HYKK: variants seen among roughly 807,000 people sequenced by gnomAD.
The protein encoded by HYKK is hydroxylysine kinase, also known as 5-hydroxy-L-lysine kinase.
In HYKK, 19 loss-of-function variants were observed where a neutral mutation model predicts 29.7. That is an observed-to-expected ratio of 0.64 (90% CI 0.45 to 0.94). The LOEUF (loss-of-function observed/expected upper bound fraction) is 0.94. Among genes scored for constraint, HYKK ranks in the 40% least tolerant of loss-of-function variants. The pLI is 0.00. For missense variants in HYKK, 390 were observed against 443.4 expected (o/e 0.88, Z 1.08); for synonymous variants, 152 against 158.1 (o/e 0.96, Z 0.29).
chr15:78,509,796 C>T (rs2052053186), intron 1 of HYKK, among the ~76,000 whole-genome samples: 1 of 152,220 alleles, frequency 6.6e-6, no homozygotes, highest in South Asian at 2.1e-4. Context: ...TTTGAAACTC[C>T]ATTTAGGCTT....
intron 3 of HYKK, among the ~76,000 whole-genome samples, chr15:78,526,505 C>T (rs1295046398): frequency 6.6e-6 from 1 of 152,106 alleles, no homozygotes; most frequent in East Asian, 1.9e-4. Context: ...ACGGCACTAA[C>T]CATGTGGATA....
chr15:78,507,890 C>A (rs1042035268), intron 1 of HYKK, among the ~76,000 whole-genome samples: 2 of 152,214 alleles, frequency 1.3e-5, no homozygotes, highest in Admixed American at 1.3e-4. Context: ...GAGCTGGGCC[C>A]CCAGAATGAA....
chr15:78,519,155 C>T (rs770203361), intron 3 of HYKK, among the ~76,000 whole-genome samples: 6 of 152,182 alleles, frequency 3.9e-5, no homozygotes, highest in Admixed American at 6.5e-5. Context: ...TCCACAGCCC[C>T]AGGGGCATAC....
intron 3 of HYKK, among the ~76,000 whole-genome samples, chr15:78,524,125 TCTC>T (rs1418777751): frequency 6.6e-6 from 1 of 152,238 alleles, no homozygotes; most frequent in Non-Finnish European, 1.5e-5. Context: ...AGCCCACATT[TCTC>T]CTCCACACTG....
chr15:78,533,080 A>G, intron 4 of HYKK, 130 bp from the exon 5 acceptor site: 1 of 636,208 alleles, frequency 1.6e-6, no homozygotes. Flanking sequence ...ATTTTATTTC[A>G]AGAAAAATAG....
intron 3 of HYKK, among the ~76,000 whole-genome samples, chr15:78,518,376 T>A (rs2052157689): frequency 6.6e-6 from 1 of 152,062 alleles, no homozygotes; most frequent in African/African-American, 2.4e-5. Flanking sequence ...GGTTTCACTA[T>A]GTTGGCCAGG....
chr15:78,518,299 T>C (rs1489010298), intron 3 of HYKK, among the ~76,000 whole-genome samples: 1 of 152,196 alleles, frequency 6.6e-6, no homozygotes, highest in Admixed American at 6.5e-5. Flanking sequence ...GGGATTCTCC[T>C]GCCTCAGCCT....
In HYKK at chr15:78,533,294, C is replaced by G; in HGVS notation, c.746C>G (p.Ser249Cys). The part of the protein sequence containing the change: ...SASGNAEYQV[S>C]GILDFGDMSY... ...TCTGGAAATGCTGAATATCAAGTGT[C>G]TGGGATTTTAGACTTTGGTGACATG... The change falls in exon 5 of 5, where the codon TCT becomes TGT. Residue 249 changes from serine (S) to cysteine (C), a missense_variant. Transcript: ENST00000388988. 6.2e-7 allele frequency: 1 copy of G among 1,614,028 alleles called. No individual in the cohort carries two copies. The highest frequency in any genetic ancestry group is 8.5e-7 in the Non-Finnish European group (1 of 1,179,912).
intron 3 of HYKK, among the ~76,000 whole-genome samples, chr15:78,524,708 C>T (rs1438294929): frequency 6.6e-6 from 1 of 152,124 alleles, no homozygotes; most frequent in Non-Finnish European, 1.5e-5. Flanking sequence ...ACTGAGGAGG[C>T]TGAGGCAGGA....
In HYKK at chr15:78,527,570, A is replaced by G; in HGVS notation, c.661+7A>G. 6.2e-7 allele frequency: 1 copy of G among 1,612,120 alleles called. No individual in the cohort carries two copies. The highest frequency in any genetic ancestry group is 2.2e-5 in the East Asian group (1 of 44,878). On this transcript the variant is annotated splice_region_variant and intron_variant, in intron 4 of 4. Coordinates refer to ENST00000388988, the MANE Select transcript of HYKK (RefSeq NM_001013619.4). The stretch of plus-strand genomic sequence containing the variant: ...TTAAGTCATTTTCGAGAATGTGAGT[A>G]TTCTCCCAATTAAGTATTTTTCTTG...
rs1365344595 is a variant in HYKK at position 78,513,381 on chromosome 15, T to C, written c.293T>C (p.Val98Ala). 6.2e-7 allele frequency: 1 copy of C among 1,614,170 alleles called. No homozygotes were observed. Among genetic ancestry groups the C allele is most frequent in the East Asian group, 2.2e-5 (1 of 44,890 alleles). ...GCCGCTGGATTTCCAACAGCCTCTG[T>C]GTGTCACACTAAAGGAGACAACACA... ...LKAAGFPTASVCHTKGDNTAS... is the reference protein window; with the variant it reads ...LKAAGFPTASACHTKGDNTAS... Residue 98 changes from valine to alanine, a missense_variant, in exon 2 of 5, where the codon GTG (valine) becomes GCG (alanine). Val to Ala is a moderately conservative substitution (Grantham distance 64). Coordinates refer to ENST00000388988, the MANE Select transcript of HYKK (RefSeq NM_001013619.4).
At chr15:78,515,241 C>T (rs957639672) in intron 3 of HYKK, 134 bp downstream of exon 3, 2 of 540,312 alleles carry the variant, frequency 3.7e-6, no homozygotes, top group Non-Finnish European at 5.9e-6. Flanking sequence ...GAATGGAGTC[C>T]TAGAGTGCAT....
rs1214122288 is a variant in HYKK, at chr15:78,517,084, C to CTTTT, written c.477+1978_477+1981dup. Among the ~76,000 whole-genome samples the CTTTT allele has an allele frequency of 2.8e-3, 323 of 114,550 alleles. 3 individuals carry two copies. The highest frequency in any genetic ancestry group is 4.3e-3 in the Non-Finnish European group (230 of 53,324). The allele number at this position is 114,550 out of a possible 152,430, so 75.1% of individuals were successfully genotyped here. ...CTTCTTGCTTGCATCAGGTCCTTTT[C>CTTTT]TTTTCTTTCTTTCTTTCTTTCTTTC... On this transcript the variant is annotated intron_variant, in intron 3 of 4. Coordinates refer to ENST00000388988, the MANE Select transcript of HYKK (RefSeq NM_001013619.4).
intron 3 of HYKK, 59 bp from the exon 4 acceptor site, chr15:78,527,321 A>G: frequency 1.5e-6 from 2 of 1,337,614 alleles, no homozygotes; most frequent in Non-Finnish European, 2.1e-6. Context: ...AGCACCTCCC[A>G]CCTCTCTCAG....
In HYKK at chr15:78,513,389, A is replaced by C; in HGVS notation, c.301A>C (p.Thr101Pro). 3.1e-6 allele frequency: 5 copies of C among 1,613,956 alleles called. No homozygotes were observed. The highest frequency in any genetic ancestry group is 3.4e-6 in the Non-Finnish European group (4 of 1,179,978). Residue 101 changes from threonine (T) to proline (P), a missense_variant, in exon 2 of 5, where the codon ACT (threonine) becomes CCT (proline). Coordinates refer to ENST00000388988, the MANE Select transcript of HYKK (RefSeq NM_001013619.4). ...AGFPTASVCH[T>P]KGDNTASLVS... is the part of the protein sequence containing the mutation. ...ATTTCCAACAGCCTCTGTGTGTCAC[A>C]CTAAAGGAGACAACACAGCTTCTCT...
At position 78,535,629 on chromosome 15, in the gene HYKK, T is replaced by C. The variant is rs1410602419; in HGVS notation, c.*1959T>C. Reference sequence around the variant, plus strand: ...ATATTGGAGTAATTTTTTGCTTGCCTCTCTTATATTCAGTGAGCCCTACTG... The same window carrying C: ...ATATTGGAGTAATTTTTTGCTTGCCCCTCTTATATTCAGTGAGCCCTACTG... On this transcript the variant is annotated 3_prime_UTR_variant, in exon 5 of 5. Transcript: ENST00000388988. 1 of 152,234 alleles carries C rather than the reference T, an allele frequency of 6.6e-6. No homozygotes were observed. The highest frequency in any genetic ancestry group is 2.4e-5 in the African/African-American group (1 of 41,468). 9.4% of individuals were successfully genotyped at this position (152,234 alleles called of 1,614,324 possible).
chr15:78,535,887 T>G lies in HYKK; in HGVS notation c.*2217T>G, dbSNP rs1203323324. On this transcript the variant is annotated 3_prime_UTR_variant, in exon 5 of 5. Transcript: ENST00000388988. The stretch of plus-strand genomic sequence containing the variant: ...CATGTGCCACCATGCCCAACTAATT[T>G]ATTTTATTTTGTAGAGATAGGGTCT... 6.6e-6 allele frequency: 1 copy of G among 152,220 alleles called. No homozygotes were observed. 9.4% of individuals were successfully genotyped at this position (152,220 alleles called of 1,614,324 possible). A position where few individuals can be genotyped will look rare whatever the true frequency, so the allele number is the denominator to read the frequency against.
At chr15:78,524,540 T>A (rs2052229616) in intron 3 of HYKK, among the ~76,000 whole-genome samples, 1 of 152,232 alleles carries the variant, frequency 6.6e-6, no homozygotes, top group Non-Finnish European at 1.5e-5. Flanking sequence ...CCCATTGTCT[T>A]GGCTATTAGC....
At chr15:78,522,558 CAAAAAAA>C (rs746784955) in intron 3 of HYKK, among the ~76,000 whole-genome samples, 7 of 42,756 alleles carry the variant, frequency 1.6e-4, no homozygotes, top group East Asian at 5.6e-4. Context: ...GACTCCGTCT[CAAAAAAA>C]AAAAAAAAAA....
Sources: gnomAD v4.1 joint callset for allele counts (sites outside exome capture counted in the v4.1 genomes callset) on GRCh38, gnomAD v4.1.1 for gene constraint, MANE v1.5 for transcripts, NCBI Gene and HGNC (gene_info 2026-07-23, HGNC 2026-07-21) for gene names.